Variants in ADGB observed in about 807,000 individuals in gnomAD.
ADGB encodes the protein calpain-7-like protein.
In ADGB, 172 loss-of-function variants were observed where a neutral mutation model predicts 210.5. The observed-to-expected ratio is 0.82, with a 90% CI of 0.72 to 0.93. The LOEUF (loss-of-function observed/expected upper bound fraction) is 0.93, where lower values mean the gene tolerates loss of function less well. Among genes scored for constraint, ADGB ranks in the 40% least tolerant of loss-of-function variants. The probability of loss-of-function intolerance (pLI) is 0.00; values close to 1 mark genes in which losing one functional copy is unlikely to be tolerated. For synonymous variants in ADGB, 658 were observed against 662.7 expected, an observed-to-expected ratio of 0.99 and a Z score of 0.11; for missense variants, 2,025 against 1,964.8, an observed-to-expected ratio of 1.03 and a Z score of -0.58.
At chr6:146,772,252 T>G (rs1777661762) in intron 29 of ADGB, among the ~76,000 whole-genome samples, 1 of 151,898 alleles carries the variant, frequency 6.6e-6, no homozygotes, top group African/African-American at 2.4e-5. Flanking sequence ...CATGAAGAGG[T>G]ATTTGTGAAA....
At chr6:146,738,797 GACGC>G (rs922140141) in intron 23 of ADGB, among the ~76,000 whole-genome samples, 3 of 152,086 alleles carry the variant, frequency 2.0e-5, no homozygotes, top group Non-Finnish European at 4.4e-5. Flanking sequence ...CAATTGTGTG[GACGC>G]ACACAGAGAG....
Position 146,764,002 on chromosome 6 carries a change from A to G in ADGB, c.3652A>G (p.Arg1218Gly), listed in dbSNP as rs1243131927. 3 of 1,551,562 alleles carry G rather than the reference A, an allele frequency of 1.9e-6. No homozygotes were observed. The highest frequency in any genetic ancestry group is 4.9e-5 in the East Asian group (2 of 40,912). Residue 1218 changes from arginine to glycine, a missense_variant, in exon 28 of 36, where the codon AGA (arginine) becomes GGA (glycine). By Grantham distance (125) the Arg-to-Gly change is moderately radical. Transcript: ENST00000397944. ...GGGAATTCAGAAATCCCCCAAGGGT[A>G]GAGCTGTAAGTGCAATACAAGACAT... is the stretch of plus-strand genomic sequence containing the variant. ...AQGIQKSPKG[R>G]AVSAIQDIGL... is the part of the protein sequence containing the mutation.
chr6:146,675,524 G>A (rs1169423916), intron 8 of ADGB, among the ~76,000 whole-genome samples: 1 of 151,692 alleles, frequency 6.6e-6, no homozygotes, highest in East Asian at 1.9e-4. Context: ...TGGATGTTCA[G>A]AAACATTATA....
intron 1 of ADGB, among the ~76,000 whole-genome samples, chr6:146,634,080 AT>A (rs1452415622): frequency 6.6e-6 from 1 of 151,806 alleles, no homozygotes; most frequent in Admixed American, 6.6e-5. Context: ...TTTTTACTGT[AT>A]TTTTCTATGT....
rs143100885 is a variant in ADGB, at chr6:146,793,511, G to C, written c.4537+4901G>C. The stretch of plus-strand genomic sequence containing the variant: ...CTCTAGGCCAGTCAAACAGCCAGTG[G>C]GTCGGTCCAGGGGTCCTCAGTAGAA... On this transcript the variant is annotated intron_variant, in intron 33 of 35. Transcript: ENST00000397944. Among the ~76,000 whole-genome samples, 353 of 152,262 alleles carry C rather than the reference G, an allele frequency of 2.3e-3. 10 individuals carry two copies. The East Asian group carries it at 0.042, about 18-fold the overall frequency.
At chr6:146,646,722 G>A (rs1775618851) in intron 3 of ADGB, among the ~76,000 whole-genome samples, 1 of 152,082 alleles carries the variant, frequency 6.6e-6, no homozygotes, top group Non-Finnish European at 1.5e-5. Flanking sequence ...ACAAATCAGA[G>A]GCTGAATTTA....
chr6:146,740,351 A>C (rs2114597326), intron 23 of ADGB, 108 bp from the exon 24 acceptor site: 1 of 1,011,496 alleles, frequency 9.9e-7, no homozygotes, highest in Non-Finnish European at 1.4e-6. Context: ...TCTAGCCAAC[A>C]ATGACTTGCA....
At position 146,701,075 on chromosome 6, in the gene ADGB, CTA is replaced by C. The variant is rs1223017009; in HGVS notation, c.1707+7_1707+8del. The C allele has an allele frequency of 2.6e-6, 4 of 1,549,396 alleles. No individual in the cohort carries two copies. Among genetic ancestry groups the C allele is most frequent in the African/African-American group, 1.4e-5 (1 of 72,884 alleles). ...ATAACAAAAGCTACATCTCAGGTGA[CTA>C]TGTTACTCTTACTGTTGGCCCAACT... On this transcript the variant is annotated splice_donor_region_variant and intron_variant, in intron 13 of 35. Transcript: ENST00000397944.
intron 32 of ADGB, among the ~76,000 whole-genome samples, chr6:146,787,332 G>A (rs1777887199): frequency 6.6e-6 from 1 of 152,066 alleles, no homozygotes; most frequent in African/African-American, 2.4e-5. Flanking sequence ...CCTCCCTCAA[G>A]GTAACAACTA....
At chr6:146,704,050 C>G (rs1776532604) in intron 13 of ADGB, among the ~76,000 whole-genome samples, 1 of 151,934 alleles carries the variant, frequency 6.6e-6, no homozygotes, top group African/African-American at 2.4e-5. Flanking sequence ...TTATGTTCCT[C>G]TGATGATTAG....
rs1778126470 is a variant in ADGB, at chr6:146,801,223, A to G, written c.4578A>G (p.Thr1526=). ...PRTRSPTILE[T]SPRLIRKALE... ...CACGATCTCCAACAATTTTGGAAAC[A>G]TCTCCACGACTTATTCGAAAAGCAC... Residue 1526 remains threonine (T), a synonymous_variant, in exon 34 of 36, where the codon ACA becomes ACG. Transcript: ENST00000397944. 6.6e-7 allele frequency: 1 copy of G among 1,511,760 alleles called. No homozygotes were observed. The highest frequency in any genetic ancestry group is 8.9e-7 in the Non-Finnish European group (1 of 1,128,834). 93.6% of individuals were successfully genotyped at this position (1,511,760 alleles called of 1,614,324 possible).
Position 146,795,341 on chromosome 6 carries a change from A to C in ADGB, c.4538-5842A>C, listed in dbSNP as rs573201959. 6.6e-5 allele frequency among the ~76,000 whole-genome samples: 10 copies of C among 152,326 alleles called. No individual in the cohort carries two copies. In the South Asian group the frequency reaches 2.1e-3, roughly 32 times the overall value. On this transcript the variant is annotated intron_variant, in intron 33 of 35. Coordinates refer to ENST00000397944, the MANE Select transcript of ADGB (RefSeq NM_024694.4). The stretch of plus-strand genomic sequence containing the variant: ...TAAACTTAAGAGCTTCTGCACAGTA[A>C]AGGAACTATCAACAGAGTAAACAAA...
intron 33 of ADGB, among the ~76,000 whole-genome samples, chr6:146,800,781 C>G (rs376881355): frequency 6.6e-6 from 1 of 152,104 alleles, no homozygotes; most frequent in Non-Finnish European, 1.5e-5. Flanking sequence ...ATCCCAAGCC[C>G]GGTAGTACTT....
intron 10 of ADGB, among the ~76,000 whole-genome samples, chr6:146,687,379 G>A (rs1233584087): frequency 6.6e-6 from 1 of 152,018 alleles, no homozygotes; most frequent in African/African-American, 2.4e-5. Flanking sequence ...TCATTGGACT[G>A]CTGAAGAATA....
chr6:146,746,186 T>C, intron 26 of ADGB, 77 bp downstream of exon 26: 1 of 1,071,038 alleles, frequency 9.3e-7, no homozygotes, highest in Non-Finnish European at 1.3e-6. Flanking sequence ...AATTCTGCAG[T>C]AAAATCCTGA....
intron 9 of ADGB, among the ~76,000 whole-genome samples, chr6:146,680,220 G>C (rs1431151273): frequency 6.6e-6 from 1 of 152,114 alleles, no homozygotes; most frequent in Admixed American, 6.6e-5. Flanking sequence ...GCTGTAGACT[G>C]ACCTATACCG....
intron 27 of ADGB, among the ~76,000 whole-genome samples, chr6:146,755,362 T>C (rs1777391620): frequency 6.6e-6 from 1 of 152,066 alleles, no homozygotes. Flanking sequence ...TCTCCACATG[T>C]TGGGAGAGGG....
At chr6:146,626,534 G>T (rs1285175260) in intron 1 of ADGB, among the ~76,000 whole-genome samples, 1 of 151,666 alleles carries the variant, frequency 6.6e-6, no homozygotes, top group Non-Finnish European at 1.5e-5. Context: ...ATTTTCAATA[G>T]GTGTAGACTT....
chr6:146,787,382 G>C (rs1437596116), intron 32 of ADGB, among the ~76,000 whole-genome samples: 1 of 151,966 alleles, frequency 6.6e-6, no homozygotes, highest in African/African-American at 2.4e-5. Flanking sequence ...GCCTATTCTT[G>C]AACTTCAATT....
Sources: allele counts gnomAD v4.1 joint callset (sites outside exome capture counted in the v4.1 genomes callset), GRCh38; gene constraint gnomAD v4.1.1; transcripts MANE v1.5; gene names NCBI Gene and HGNC (gene_info 2026-07-23, HGNC 2026-07-21).